Variants in NEGR1 observed in about 807,000 individuals in gnomAD.
NEGR1 encodes IgLON family member 4.
In NEGR1, 10 loss-of-function variants were observed where a neutral mutation model predicts 40.9. The observed-to-expected ratio is 0.24, with a 90% CI of 0.15 to 0.42. The LOEUF (loss-of-function observed/expected upper bound fraction) is 0.42. Ranked by LOEUF, NEGR1 falls within the 10% of genes least tolerant of loss-of-function variation. The pLI is 1.00. For missense variants in NEGR1, 352 were observed against 438.9 expected, an observed-to-expected ratio of 0.80 and a Z score of 1.77; for synonymous variants, 185 against 166.8, an observed-to-expected ratio of 1.11 and a Z score of -0.84.
At chr1:72,118,888 C>T (rs1649684445) in intron 1 of NEGR1, among the ~76,000 whole-genome samples, 1 of 151,408 alleles carries the variant, frequency 6.6e-6, no homozygotes, top group South Asian at 2.1e-4. Flanking sequence ...TAGATGTTAA[C>T]AAGAAATATT....
chr1:71,961,938 G>C (rs1646168705), intron 1 of NEGR1, among the ~76,000 whole-genome samples: 1 of 151,950 alleles, frequency 6.6e-6, no homozygotes, highest in African/African-American at 2.4e-5. Flanking sequence ...TAATAAATCT[G>C]ACGTTAGTTT....
chr1:72,125,226 A>T (rs2100299659), intron 1 of NEGR1, among the ~76,000 whole-genome samples: 1 of 152,264 alleles, frequency 6.6e-6, no homozygotes, highest in African/African-American at 2.4e-5. Flanking sequence ...TGCAAGAAAT[A>T]TAAAAAGCTT....
At chr1:71,666,721 C>A (rs1270170706) in intron 4 of NEGR1, among the ~76,000 whole-genome samples, 2 of 152,130 alleles carry the variant, frequency 1.3e-5, no homozygotes, top group Admixed American at 6.6e-5. Flanking sequence ...CTTGTTGTTT[C>A]TCCAAAGGTT....
intron 1 of NEGR1, among the ~76,000 whole-genome samples, chr1:72,073,988 A>G (rs979085890): frequency 6.6e-6 from 1 of 152,154 alleles, no homozygotes; most frequent in East Asian, 1.9e-4. Flanking sequence ...GCTTAAATAT[A>G]TCAGGTAGCA....
At chr1:71,919,805 C>T (rs2101881721) in intron 2 of NEGR1, among the ~76,000 whole-genome samples, 1 of 152,282 alleles carries the variant, frequency 6.6e-6, no homozygotes, top group South Asian at 2.1e-4. Context: ...TCAATCTTAT[C>T]AATATTTCAC....
chr1:71,923,447 TC>T (rs1645739318), intron 2 of NEGR1, among the ~76,000 whole-genome samples: 1 of 152,092 alleles, frequency 6.6e-6, no homozygotes, highest in Admixed American at 6.6e-5. Flanking sequence ...AGAAACTTAT[TC>T]TAGATGGATA....
chr1:72,216,745 G>A (rs915388638), intron 1 of NEGR1, among the ~76,000 whole-genome samples: 2 of 151,198 alleles, frequency 1.3e-5, no homozygotes, highest in African/African-American at 4.8e-5. Context: ...TGTGATTATT[G>A]AGAGGGTTAA....
intron 1 of NEGR1, among the ~76,000 whole-genome samples, chr1:72,113,872 G>C (rs1435148908): frequency 6.6e-6 from 1 of 151,702 alleles, no homozygotes. Flanking sequence ...TGACGTGACA[G>C]CATCACACAG....
chr1:71,469,369 T>C (rs12729554), intron 6 of NEGR1, among the ~76,000 whole-genome samples: 35,717 of 151,906 alleles, frequency 0.24, 4,478 homozygotes, highest in Non-Finnish European at 0.26. Context: ...CAGGATCACA[T>C]TGTAAACTAT....
chr1:71,634,205 G>A (rs922368806), intron 4 of NEGR1, among the ~76,000 whole-genome samples: 1 of 152,066 alleles, frequency 6.6e-6, no homozygotes, highest in Non-Finnish European at 1.5e-5. Context: ...TTATTCTACA[G>A]GTGAGCAGAT....
chr1:71,501,165 G>A (rs187183912), intron 6 of NEGR1, among the ~76,000 whole-genome samples: 7 of 152,154 alleles, frequency 4.6e-5, no homozygotes, highest in Non-Finnish European at 8.8e-5. Context: ...GCAGGCATGT[G>A]TGCACATATA....
chr1:71,437,343 T>C (rs1448605628), intron 6 of NEGR1, among the ~76,000 whole-genome samples: 1 of 152,098 alleles, frequency 6.6e-6, no homozygotes, highest in Non-Finnish European at 1.5e-5. Flanking sequence ...ATTGATGTGG[T>C]GATGGTTGCA....
intron 6 of NEGR1, among the ~76,000 whole-genome samples, chr1:71,541,996 A>G (rs1263003756): frequency 6.6e-6 from 1 of 151,806 alleles, no homozygotes; most frequent in Non-Finnish European, 1.5e-5. Flanking sequence ...AAGAGTGAAT[A>G]AGAAATTCTC....
At chr1:72,221,310 T>C (rs936390889) in intron 1 of NEGR1, among the ~76,000 whole-genome samples, 1 of 152,124 alleles carries the variant, frequency 6.6e-6, no homozygotes, top group African/African-American at 2.4e-5. Context: ...AAAGCTCCTA[T>C]TTCCAAATGA....
intron 1 of NEGR1, among the ~76,000 whole-genome samples, chr1:72,018,400 A>C (rs977040781): frequency 6.6e-6 from 1 of 152,186 alleles, no homozygotes; most frequent in African/African-American, 2.4e-5. Context: ...ACCAGTGCCT[A>C]GGATTCCCCT....
At chr1:71,495,810 T>C (rs1646959280) in intron 6 of NEGR1, among the ~76,000 whole-genome samples, 2 of 152,166 alleles carry the variant, frequency 1.3e-5, no homozygotes, top group African/African-American at 4.8e-5. Flanking sequence ...CAAGAAGGCA[T>C]CAATCATTTT....
intron 3 of NEGR1, among the ~76,000 whole-genome samples, chr1:71,768,991 G>A (rs144919554): frequency 5.1e-4 from 78 of 152,090 alleles, no homozygotes; most frequent in Admixed American, 1.2e-3. Flanking sequence ...AGTTTCCTGA[G>A]GCCTCCCCAG....
At chr1:71,505,533 A>G (rs1167604753) in intron 6 of NEGR1, among the ~76,000 whole-genome samples, 2 of 152,126 alleles carry the variant, frequency 1.3e-5, no homozygotes, top group Admixed American at 6.5e-5. Flanking sequence ...CACCAGCCTC[A>G]GCCTCCCAAA....
chr1:71,721,586 T>G (rs1654513570), intron 3 of NEGR1, among the ~76,000 whole-genome samples: 1 of 152,156 alleles, frequency 6.6e-6, no homozygotes, highest in African/African-American at 2.4e-5. Context: ...TACTGCTATT[T>G]TGGACCATAT....
Sources: gnomAD v4.1 joint callset for allele counts (sites outside exome capture counted in the v4.1 genomes callset) on GRCh38, gnomAD v4.1.1 for gene constraint, MANE v1.5 for transcripts, NCBI Gene and HGNC (gene_info 2026-07-23, HGNC 2026-07-21) for gene names.